The following ZHX1 variants were observed in gnomAD, a reference collection of about 807,000 sequenced individuals.
ZHX1 encodes the protein zinc fingers and homeoboxes 1.
In ZHX1, 20 loss-of-function variants were observed where a neutral mutation model predicts 61.8. The observed-to-expected ratio is 0.32, with a 90% CI of 0.23 to 0.47. ZHX1 has a LOEUF of 0.47. Among genes scored for constraint, ZHX1 ranks in the 20% least tolerant of loss-of-function variants. The pLI is 1.00. For synonymous variants in ZHX1, 318 were observed against 352.6 expected, an observed-to-expected ratio of 0.90 and a Z score of 1.10; for missense variants, 800 against 1,034.8, an observed-to-expected ratio of 0.77 and a Z score of 3.11.
At chr8:123,274,580 T>C (rs1208226516), upstream of ZHX1, 1 of 152,200 alleles carries the variant, frequency 6.6e-6, no homozygotes, top group Non-Finnish European at 1.5e-5. Context: ...AGTCCGGGGA[T>C]TGGCGCACCG....
At chr8:123,259,747 G>A (rs1826189315) in intron 2 of ZHX1, among the ~76,000 whole-genome samples, 2 of 151,986 alleles carry the variant, frequency 1.3e-5, no homozygotes, top group African/African-American at 2.4e-5. Flanking sequence ...TGGAAGGCAA[G>A]AGGGTTTCTT....
chr8:123,253,153 T>C, intron 3 of ZHX1, 169 bp downstream of exon 3: 1 of 524,916 alleles, frequency 1.9e-6, no homozygotes. Flanking sequence ...AAACTACACA[T>C]GATAATCATT....
Position 123,254,454 on chromosome 8 carries a change from A to T in ZHX1, c.1493T>A (p.Met498Lys). ...FPHDSEIIRL[M>K]KITGLTKGEI... The stretch of plus-strand genomic sequence containing the variant: ...TCCTTTCGTCAGGCCTGTTATTTTC[A>T]TAAGTCTGATAATTTCTGAATCATG... The change falls in exon 3 of 4, where the codon ATG becomes AAG. Residue 498 changes from methionine to lysine, a missense_variant. Coordinates refer to ENST00000395571, the MANE Select transcript of ZHX1 (RefSeq NM_007222.5). The surrounding 1 kb of genome is among the most constrained non-coding windows in gnomAD (Gnocchi z 4.1). 6.2e-7 allele frequency: 1 copy of T among 1,614,140 alleles called. No individual in the cohort carries two copies. The highest frequency in any genetic ancestry group is 8.5e-7 in the Non-Finnish European group (1 of 1,180,000).
At position 123,272,838 on chromosome 8, in the gene ZHX1, A is replaced by G. The variant is rs148722995; in HGVS notation, c.-340+1379T>C. Among the ~76,000 whole-genome samples, 952 of 152,240 alleles carry G rather than the reference A, an allele frequency of 6.3e-3. 4 individuals carry two copies. Among genetic ancestry groups the G allele is most frequent in the African/African-American group, 0.022 (922 of 41,538 alleles). On this transcript the variant is annotated intron_variant, in intron 1 of 3. Coordinates refer to ENST00000395571, the MANE Select transcript of ZHX1 (RefSeq NM_007222.5). Reference sequence around the variant, plus strand: ...ACCGTGAACCGCTGTATATTTTCCAATTTTGTGATTTTCCTTTTTCTGCTA... The same window carrying G: ...ACCGTGAACCGCTGTATATTTTCCAGTTTTGTGATTTTCCTTTTTCTGCTA...
In ZHX1 at chr8:123,255,647, T is replaced by G; in HGVS notation, c.300A>C (p.Ser100=). Residue 100 remains serine (S), a synonymous_variant, in exon 3 of 4, where the codon TCA becomes TCC. Coordinates refer to ENST00000395571, the MANE Select transcript of ZHX1 (RefSeq NM_007222.5). Reference sequence around the variant, plus strand: ...AATTGCATTCGACACAAACATAGGATGAATTTAGCACTACATTGGGATGTT... The same window carrying G: ...AATTGCATTCGACACAAACATAGGAGGAATTTAGCACTACATTGGGATGTT... The part of the protein sequence containing the change: ...DSEHPNVVLN[S]SYVCVECNFL... 6.2e-7 allele frequency: 1 copy of G among 1,613,856 alleles called. No homozygotes were observed. Among genetic ancestry groups the G allele is most frequent in the South Asian group, 1.1e-5 (1 of 91,078 alleles).
At chr8:123,267,194 A>C (rs1446959210) in intron 2 of ZHX1, 79 bp downstream of exon 2, 1 of 1,350,996 alleles carries the variant, frequency 7.4e-7, no homozygotes, top group African/African-American at 1.5e-5. Flanking sequence ...AAAACTTTAG[A>C]CAAATATAGT....
At chr8:123,251,232 C>G (rs577384467) in intron 3 of ZHX1, among the ~76,000 whole-genome samples, 1 of 152,162 alleles carries the variant, frequency 6.6e-6, no homozygotes, top group Non-Finnish European at 1.5e-5. Context: ...TCTTCCCCTT[C>G]GCCTTCTGCC....
In ZHX1 at chr8:123,253,737, A is replaced by G; in HGVS notation, c.2210T>C (p.Leu737Pro). Residue 737 changes from leucine to proline, a missense_variant, in exon 3 of 4, where the codon CTG (leucine) becomes CCG (proline). Transcript: ENST00000395571. ...QSANSSSMNG[L>P]SSLRKRGRGR... ...TCTCCCTCTTTTCCTAAGGGAAGAC[A>G]GACCATTCATACTACTTGAATTGGC... 1 of 1,614,178 alleles carries G rather than the reference A, an allele frequency of 6.2e-7. No homozygotes were observed. Among genetic ancestry groups the G allele is most frequent in the Non-Finnish European group, 8.5e-7 (1 of 1,180,014 alleles).
Position 123,249,843 on chromosome 8 carries a change from T to C in ZHX1, c.*481A>G, listed in dbSNP as rs1563806766. On this transcript the variant is annotated 3_prime_UTR_variant, in exon 4 of 4. Coordinates refer to ENST00000395571, the MANE Select transcript of ZHX1 (RefSeq NM_007222.5). ...GACATAGTAATAAATCAGGGTTTTTTTTTTTTTTTTTTTTTTACCCATTTC... is the reference window on the plus strand; with the variant it reads ...GACATAGTAATAAATCAGGGTTTTTCTTTTTTTTTTTTTTTTACCCATTTC... 6.6e-6 allele frequency: 1 copy of C among 150,580 alleles called. No individual in the cohort carries two copies. Among genetic ancestry groups the C allele is most frequent in the Non-Finnish European group, 1.5e-5 (1 of 67,868 alleles). 9.3% of individuals were successfully genotyped at this position (150,580 alleles called of 1,614,324 possible). A position where few individuals can be genotyped will look rare whatever the true frequency, so the allele number is the denominator to read the frequency against.
chr8:123,255,215 T>A lies in ZHX1; in HGVS notation c.732A>T (p.Pro244=), dbSNP rs747587823. ...GTGTCACTACCGTGCTGGCAGTACT[T>A]GGATGTATTCTGTTTACAATGGAAG... is the stretch of plus-strand genomic sequence containing the variant. ...TSTSIVNRIH[P]STASTVVTPA... is the part of the protein sequence containing the mutation. The change falls in exon 3 of 4, where the codon CCA becomes CCT. Residue 244 remains proline, a synonymous_variant. Transcript: ENST00000395571. 1 of 1,614,166 alleles carries A rather than the reference T, an allele frequency of 6.2e-7. No individual in the cohort carries two copies. The highest frequency in any genetic ancestry group is 8.5e-7 in the Non-Finnish European group (1 of 1,180,014).
intron 1 of ZHX1, among the ~76,000 whole-genome samples, chr8:123,267,781 C>A (rs546038878): frequency 6.6e-6 from 1 of 152,284 alleles, no homozygotes; most frequent in Non-Finnish European, 1.5e-5. Context: ...GCCGGCGGAT[C>A]ACCTGAGGTT....
chr8:123,252,002 T>C (rs1372767280), intron 3 of ZHX1, among the ~76,000 whole-genome samples: 1 of 152,098 alleles, frequency 6.6e-6, no homozygotes, highest in Non-Finnish European at 1.5e-5. Context: ...AGAGAGAAGA[T>C]GTAAGGGAAT....
At chr8:123,269,011 G>A (rs1826555991) in intron 1 of ZHX1, among the ~76,000 whole-genome samples, 1 of 152,080 alleles carries the variant, frequency 6.6e-6, no homozygotes, top group African/African-American at 2.4e-5. Context: ...CTATTTTCAT[G>A]AAAAGCAAAA....
At chr8:123,250,449 T>C (rs1035465896) in intron 3 of ZHX1, 129 bp from the exon 4 acceptor site, 1 of 335,348 alleles carries the variant, frequency 3.0e-6, no homozygotes, top group Non-Finnish European at 5.8e-6. Flanking sequence ...CACATATGTC[T>C]TCCATAATAC....
chr8:123,255,928 A>G lies in ZHX1; in HGVS notation c.19T>C (p.Ser7Pro). The change falls in exon 3 of 4, where the codon TCA becomes CCA. Residue 7 changes from serine to proline, a missense_variant. Coordinates refer to ENST00000395571, the MANE Select transcript of ZHX1 (RefSeq NM_007222.5). MASRRK[S>P]TTPCMVLASE... The stretch of plus-strand genomic sequence containing the variant: ...GCAAGGACCATGCAAGGTGTTGTTG[A>G]TTTTCGCCTGCTTGCCATTCTGATG... The G allele has an allele frequency of 6.2e-7, 1 of 1,603,736 alleles. No homozygotes were observed. Among genetic ancestry groups the G allele is most frequent in the Non-Finnish European group, 8.5e-7 (1 of 1,174,552 alleles).
Position 123,254,549 on chromosome 8 carries a change from G to A in ZHX1, c.1398C>T (p.Gly466=). The A allele has an allele frequency of 1.2e-6, 2 of 1,613,910 alleles. No homozygotes were observed. The highest frequency in any genetic ancestry group is 1.1e-5 in the South Asian group (1 of 91,004). ...ETALVNPDSF[G]IRAKKTKEQL... ...GCTCTTTTGTCTTTTTTGCCCGAAT[G>A]CCAAATGAATCAGGGTTTACCAATG... Residue 466 remains glycine (G), a synonymous_variant, in exon 3 of 4, where the codon GGC becomes GGT. Transcript: ENST00000395571. The surrounding 1 kb of genome is among the most constrained non-coding windows in gnomAD (Gnocchi z 4.1).
Position 123,249,706 on chromosome 8 carries a change from G to A in ZHX1, c.*618C>T, listed in dbSNP as rs1304229381. 3 of 152,084 alleles carry A rather than the reference G, an allele frequency of 2.0e-5. No homozygotes were observed. The highest frequency in any genetic ancestry group is 1.3e-4 in the Admixed American group (2 of 15,252). 9.4% of individuals were successfully genotyped at this position (152,084 alleles called of 1,614,324 possible). On this transcript the variant is annotated 3_prime_UTR_variant, in exon 4 of 4. Coordinates refer to ENST00000395571, the MANE Select transcript of ZHX1 (RefSeq NM_007222.5). ...TGAAGGATCCAATTATTAAGGGCCA[G>A]TGAAACCATAAAATCTTATTGTTTC... is the stretch of plus-strand genomic sequence containing the variant.
chr8:123,271,604 TAA>T (rs1179616632), intron 1 of ZHX1, among the ~76,000 whole-genome samples: 1 of 152,158 alleles, frequency 6.6e-6, no homozygotes, highest in African/African-American at 2.4e-5. Context: ...TACAGCAAAC[TAA>T]GTCTCAAATA....
intron 3 of ZHX1, among the ~76,000 whole-genome samples, chr8:123,251,313 AC>A (rs1825913346): frequency 1.3e-5 from 2 of 152,004 alleles, no homozygotes; most frequent in African/African-American, 4.8e-5. Flanking sequence ...AGTCAACTAA[AC>A]CTCTTTTCTT....
Sources: allele counts gnomAD v4.1 joint callset (sites outside exome capture counted in the v4.1 genomes callset), GRCh38; gene constraint gnomAD v4.1.1; non-coding constraint Gnocchi (gnomAD v3.1); transcripts MANE v1.5; gene names NCBI Gene and HGNC (gene_info 2026-07-23, HGNC 2026-07-21).